POFUT3: variants seen among roughly 807,000 people sequenced by gnomAD.
The protein encoded by POFUT3 is protein O-fucosyltransferase 3.
At chr8:33,428,955 C>T in the POFUT3 span, among the ~76,000 whole-genome samples, 4 of 152,300 alleles carry the variant, frequency 2.6e-5, no homozygotes, top group African/African-American at 9.6e-5. Context: ...AAGACAATAT[C>T]ATAATCCTAT....
the POFUT3 span, among the ~76,000 whole-genome samples, chr8:33,376,162 A>G: frequency 6.6e-6 from 1 of 152,188 alleles, no homozygotes; most frequent in Non-Finnish European, 1.5e-5. Flanking sequence ...TTTGTTAATT[A>G]ACTTTGTAGA....
At chr8:33,390,934 A>G in the POFUT3 span, among the ~76,000 whole-genome samples, 1 of 152,184 alleles carries the variant, frequency 6.6e-6, no homozygotes, top group Admixed American at 6.5e-5. Context: ...TTATTTCAAT[A>G]ACTGAGAAAG....
At chr8:33,378,118 A>C in the POFUT3 span, among the ~76,000 whole-genome samples, 2 of 152,206 alleles carry the variant, frequency 1.3e-5, no homozygotes, top group East Asian at 3.9e-4. Context: ...TCAAATGCTC[A>C]AAAGGAAGAT....
At chr8:33,365,611 T>G in the POFUT3 span, among the ~76,000 whole-genome samples, 13 of 151,982 alleles carry the variant, frequency 8.6e-5, 1 homozygote, top group East Asian at 2.5e-3. Context: ...GAACAGACAC[T>G]TCTCAAAAGA....
chr8:33,412,839 G>C, the POFUT3 span, among the ~76,000 whole-genome samples: 1 of 152,102 alleles, frequency 6.6e-6, no homozygotes, highest in African/African-American at 2.4e-5. Context: ...TTTTGGCCAG[G>C]CTGGTCTCAA....
chr8:33,413,110 C>G, the POFUT3 span, among the ~76,000 whole-genome samples: 7 of 152,086 alleles, frequency 4.6e-5, no homozygotes, highest in South Asian at 2.1e-4. Context: ...CTACCTGTTC[C>G]TTTCACATAT....
the POFUT3 span, among the ~76,000 whole-genome samples, chr8:33,444,027 C>A: frequency 6.7e-6 from 1 of 150,360 alleles, no homozygotes; most frequent in African/African-American, 2.5e-5. Flanking sequence ...ATGCCAGGCA[C>A]TGTTCTAAGC....
chr8:33,429,531 G>T, the POFUT3 span, among the ~76,000 whole-genome samples: 1 of 152,108 alleles, frequency 6.6e-6, no homozygotes, highest in Non-Finnish European at 1.5e-5. Flanking sequence ...TTACAAAGAA[G>T]ATATGTACTT....
the POFUT3 span, among the ~76,000 whole-genome samples, chr8:33,364,769 A>T: frequency 1.3e-5 from 2 of 152,342 alleles, no homozygotes; most frequent in East Asian, 3.9e-4. Flanking sequence ...AAAAGAGGAC[A>T]CAAACGAATG....
the POFUT3 span, among the ~76,000 whole-genome samples, chr8:33,348,799 T>A: frequency 6.6e-6 from 1 of 152,118 alleles, no homozygotes; most frequent in African/African-American, 2.4e-5. Flanking sequence ...AGTAGTTTGG[T>A]GCAGGCAGAG....
the POFUT3 span, among the ~76,000 whole-genome samples, chr8:33,455,228 G>A: frequency 6.6e-6 from 1 of 152,104 alleles, no homozygotes; most frequent in African/African-American, 2.4e-5. Context: ...CTCCCACTTA[G>A]AACCACATTT....
At chr8:33,316,795 G>A in the POFUT3 span, among the ~76,000 whole-genome samples, 304 of 151,768 alleles carry the variant, frequency 2.0e-3, 1 homozygote, top group Middle Eastern at 0.017. Flanking sequence ...CTGTGAATGT[G>A]AGGCAAGGTG....
At chr8:33,422,398 C>T in the POFUT3 span, among the ~76,000 whole-genome samples, 11 of 151,526 alleles carry the variant, frequency 7.3e-5, no homozygotes, top group African/African-American at 2.4e-4. Flanking sequence ...CAAAATTAGC[C>T]GGGTGTGGTG....
the POFUT3 span, chr8:33,453,580 T>G: frequency 7.8e-7 from 1 of 1,286,258 alleles, no homozygotes; most frequent in Non-Finnish European, 1.1e-6. Context: ...TCATTAATCT[T>G]GATGATTTAG....
chr8:33,331,891 A>G, the POFUT3 span, among the ~76,000 whole-genome samples: 1 of 151,044 alleles, frequency 6.6e-6, no homozygotes, highest in African/African-American at 2.4e-5. Flanking sequence ...GTTAGCCAGG[A>G]TGGTCTAGAT....
At chr8:33,359,741 T>G in the POFUT3 span, among the ~76,000 whole-genome samples, 2 of 152,124 alleles carry the variant, frequency 1.3e-5, no homozygotes, top group Non-Finnish European at 2.9e-5. Context: ...CACAGTGGCT[T>G]ACACCTATAA....
the POFUT3 span, chr8:33,452,103 A>ATATG: frequency 2.8e-4 from 42 of 151,690 alleles, no homozygotes; most frequent in Non-Finnish European, 2.8e-4. Context: ...GTATATATAT[A>ATATG]TGTGTGTGTG....
chr8:33,317,425 C>A, the POFUT3 span, among the ~76,000 whole-genome samples: 1 of 152,108 alleles, frequency 6.6e-6, no homozygotes, highest in Non-Finnish European at 1.5e-5. Flanking sequence ...AGTTTTTAGA[C>A]AAAGCTTCAC....
At chr8:33,391,270 A>T in the POFUT3 span, among the ~76,000 whole-genome samples, 310 of 152,354 alleles carry the variant, frequency 2.0e-3, 1 homozygote, top group African/African-American at 7.1e-3. Flanking sequence ...AGATCAGATA[A>T]GGTTATGTCA....
Sources: allele counts gnomAD v4.1 joint callset (sites outside exome capture counted in the v4.1 genomes callset), GRCh38; gene constraint gnomAD v4.1.1; transcripts MANE v1.5; gene names NCBI Gene and HGNC (gene_info 2026-07-23, HGNC 2026-07-21).